Variants in DST observed in about 807,000 individuals in gnomAD.
The protein encoded by DST is bullous pemphigoid antigen.
Under a neutral mutation model 875.2 loss-of-function variants are expected in DST, and 253 were observed. The ratio of observed to expected loss-of-function variants is 0.29; its 90% confidence interval spans 0.26 to 0.32. The LOEUF (loss-of-function observed/expected upper bound fraction) is 0.32. Ranked by LOEUF, DST falls within the 10% of genes least tolerant of loss-of-function variation. DST has a pLI of 1.00. For synonymous variants in DST, 3,124 were observed against 3,197.1 expected (o/e 0.98, Z 0.77); for missense variants, 8,287 against 9,111.6 (o/e 0.91, Z 3.68).
chr6:56,626,232 G>C (rs1265528634), intron 34 of DST, among the ~76,000 whole-genome samples: 1 of 152,076 alleles, frequency 6.6e-6, no homozygotes, highest in Non-Finnish European at 1.5e-5. Flanking sequence ...AAATTCTACA[G>C]AGGTGTACAG....
At chr6:56,653,658 C>A (rs1351272704) in intron 10 of DST, among the ~76,000 whole-genome samples, 1 of 152,154 alleles carries the variant, frequency 6.6e-6, no homozygotes, top group Non-Finnish European at 1.5e-5. Context: ...GCACTCCAGC[C>A]TGGACAACAA....
chr6:56,469,904 C>G lies in DST; in HGVS notation c.22530G>C (p.Gln7510His), dbSNP rs750236520. 2.8e-5 allele frequency: 45 copies of G among 1,613,236 alleles called. No individual in the cohort carries two copies. Among genetic ancestry groups the G allele is most frequent in the Non-Finnish European group, 3.7e-5 (44 of 1,179,406 alleles). Reference sequence around the variant, plus strand: ...TTACCCTGTATTTATTATCACCAATCTGCTCAACTTGAAATCGCTTTGCAC... The same window carrying G: ...TTACCCTGTATTTATTATCACCAATGTGCTCAACTTGAAATCGCTTTGCAC... Reference protein sequence around the residue: ...CKCAKRFQVEQIGDNKYRFFL... With the variant: ...CKCAKRFQVEHIGDNKYRFFL... Residue 7510 changes from glutamine to histidine, a missense_variant, in exon 97 of 104, where the codon CAG (glutamine) becomes CAC (histidine). Transcript: ENST00000680361.
intron 4 of DST, among the ~76,000 whole-genome samples, chr6:56,834,941 A>G (rs1400704865): frequency 6.6e-6 from 1 of 152,250 alleles, no homozygotes; most frequent in Non-Finnish European, 1.5e-5. Context: ...CCTTAGGAGC[A>G]ACCAAGATGT....
intron 58 of DST, among the ~76,000 whole-genome samples, chr6:56,559,178 T>C (rs918165880): frequency 6.6e-6 from 1 of 152,110 alleles, no homozygotes; most frequent in Non-Finnish European, 1.5e-5. Flanking sequence ...GGCAACAAAA[T>C]AATGCCATTA....
chr6:56,661,538 G>A (rs1391192361), intron 10 of DST, among the ~76,000 whole-genome samples: 1 of 151,972 alleles, frequency 6.6e-6, no homozygotes, highest in African/African-American at 2.4e-5. Flanking sequence ...TAAATCTCTA[G>A]GAGAGTGATA....
intron 49 of DST, among the ~76,000 whole-genome samples, chr6:56,580,725 C>CTTTTTTT (rs1167715487): frequency 7.4e-5 from 9 of 121,036 alleles, no homozygotes; most frequent in Non-Finnish European, 1.0e-4. Flanking sequence ...TTTACTTTTT[C>CTTTTTTT]TTTTTTTTTT....
At chr6:56,893,479 T>G (rs1016230355) in intron 3 of DST, among the ~76,000 whole-genome samples, 3 of 149,136 alleles carry the variant, frequency 2.0e-5, no homozygotes, top group African/African-American at 7.4e-5. Flanking sequence ...TACAAGTATA[T>G]TTTTCATATA....
intron 4 of DST, among the ~76,000 whole-genome samples, chr6:56,789,665 C>T (rs563601174): frequency 6.6e-6 from 1 of 152,306 alleles, no homozygotes; most frequent in Admixed American, 6.5e-5. Flanking sequence ...GTGACTATGA[C>T]TACTCTAGAT....
At chr6:56,804,090 T>C in intron 4 of DST, among the ~76,000 whole-genome samples, 1 of 152,204 alleles carries the variant, frequency 6.6e-6, no homozygotes, top group Non-Finnish European at 1.5e-5. Context: ...AATCATAGAT[T>C]TCATTTACAA....
At chr6:56,786,750 T>G (rs2152999727) in intron 4 of DST, among the ~76,000 whole-genome samples, 1 of 152,286 alleles carries the variant, frequency 6.6e-6, no homozygotes, top group East Asian at 1.9e-4. Flanking sequence ...CTCGAACTCC[T>G]GACCTCAGGT....
chr6:56,734,372 G>T (rs2099515502), intron 5 of DST, among the ~76,000 whole-genome samples: 1 of 152,150 alleles, frequency 6.6e-6, no homozygotes, highest in African/African-American at 2.4e-5. Context: ...TACATTATTG[G>T]TACCACTCTT....
intron 85 of DST, among the ~76,000 whole-genome samples, chr6:56,490,764 C>T (rs1282951876): frequency 2.0e-5 from 3 of 152,058 alleles, no homozygotes; most frequent in East Asian, 3.9e-4. Context: ...ATAATACAGG[C>T]TATAACAGTT....
At chr6:56,708,016 A>G (rs931091746) in intron 5 of DST, among the ~76,000 whole-genome samples, 4 of 152,136 alleles carry the variant, frequency 2.6e-5, no homozygotes, top group Non-Finnish European at 4.4e-5. Flanking sequence ...AAAAATACAA[A>G]AAGTTAGCTG....
intron 31 of DST, among the ~76,000 whole-genome samples, chr6:56,629,685 A>C (rs1362228886): frequency 2.0e-5 from 3 of 152,064 alleles, no homozygotes; most frequent in African/African-American, 7.2e-5. Context: ...CATATCAACA[A>C]AATAAAATAT....
intron 3 of DST, chr6:56,851,980 T>C (rs1269576973): frequency 8.9e-6 from 13 of 1,453,952 alleles, no homozygotes; most frequent in Non-Finnish European, 1.2e-5. Flanking sequence ...ACCAGGACAG[T>C]AGAAATATTT....
intron 4 of DST, among the ~76,000 whole-genome samples, chr6:56,817,560 A>G (rs969182518): frequency 6.6e-6 from 1 of 152,180 alleles, no homozygotes; most frequent in African/African-American, 2.4e-5. Flanking sequence ...ATCAAGTCAT[A>G]TTTCCTTTGA....
At chr6:56,898,823 G>T (rs889881094) in intron 3 of DST, among the ~76,000 whole-genome samples, 1 of 152,094 alleles carries the variant, frequency 6.6e-6, no homozygotes, top group African/African-American at 2.4e-5. Context: ...AATATTTCTG[G>T]AGATCCAAGA....
At chr6:56,475,394 AACACACACACACACACACAC>A (rs35690052) in intron 92 of DST, among the ~76,000 whole-genome samples, 1 of 144,882 alleles carries the variant, frequency 6.9e-6, no homozygotes, top group African/African-American at 2.6e-5. Context: ...AGGCTTTTAA[AACACACACACACACACACAC>A]ACACACACAC....
At chr6:56,816,304 A>C (rs1591053870) in intron 4 of DST, among the ~76,000 whole-genome samples, 1 of 152,158 alleles carries the variant, frequency 6.6e-6, no homozygotes, top group African/African-American at 2.4e-5. Flanking sequence ...CAAACTGCTT[A>C]CCTGATATTT....
Sources: allele counts gnomAD v4.1 joint callset (sites outside exome capture counted in the v4.1 genomes callset), GRCh38; gene constraint gnomAD v4.1.1; transcripts MANE v1.5; gene names NCBI Gene and HGNC (gene_info 2026-07-23, HGNC 2026-07-21).